TNR: variants seen among roughly 807,000 people sequenced by gnomAD.
TNR encodes the protein tenascin R, also known as tenascin-R.
TNR carries 45 observed loss-of-function variants against 150.4 expected under a neutral mutation model. The observed-to-expected ratio is 0.30, with a 90% CI of 0.24 to 0.38. The LOEUF (loss-of-function observed/expected upper bound fraction) is 0.38, where lower values mean the gene tolerates loss of function less well. TNR is among the 10% of genes least tolerant of loss of function. The pLI is 1.00. For synonymous variants in TNR, 687 were observed against 678.4 expected (o/e 1.01, Z -0.20); for missense variants, 1,544 against 1,759.1 (o/e 0.88, Z 2.19).
chr1:175,690,342 C>T (rs1666323483), intron 1 of TNR, among the ~76,000 whole-genome samples: 1 of 152,172 alleles, frequency 6.6e-6, no homozygotes, highest in African/African-American at 2.4e-5. Context: ...AACATATGAT[C>T]TGGTGACAAG....
At chr1:175,435,020 G>A (rs1041523180) in intron 2 of TNR, among the ~76,000 whole-genome samples, 12 of 152,054 alleles carry the variant, frequency 7.9e-5, no homozygotes, top group African/African-American at 2.9e-4. Flanking sequence ...TTATATTTCT[G>A]TCTTCTCTGT....
chr1:175,414,703 G>A (rs2102055857), intron 2 of TNR, among the ~76,000 whole-genome samples: 1 of 152,248 alleles, frequency 6.6e-6, no homozygotes, highest in East Asian at 1.9e-4. Context: ...AGAGACTTGG[G>A]TCACCCAGGT....
chr1:175,581,995 G>C (rs905230919), intron 1 of TNR, among the ~76,000 whole-genome samples: 5 of 152,092 alleles, frequency 3.3e-5, no homozygotes, highest in Non-Finnish European at 7.4e-5. Context: ...CAGAATCTAG[G>C]ATTCATCAAA....
chr1:175,424,386 C>G (rs917557495), intron 2 of TNR, among the ~76,000 whole-genome samples: 1 of 152,240 alleles, frequency 6.6e-6, no homozygotes, highest in African/African-American at 2.4e-5. Flanking sequence ...ATTTTCCCCT[C>G]TGCCCTGGCA....
intron 4 of TNR, among the ~76,000 whole-genome samples, chr1:175,399,460 T>A (rs1433013030): frequency 6.6e-6 from 1 of 152,238 alleles, no homozygotes; most frequent in Admixed American, 6.5e-5. Context: ...GGCCTGAGCC[T>A]GGTGGTAAAG....
intron 1 of TNR, among the ~76,000 whole-genome samples, chr1:175,679,752 C>T (rs958184858): frequency 2.6e-5 from 4 of 152,190 alleles, no homozygotes; most frequent in African/African-American, 9.7e-5. Flanking sequence ...GCTATTAAAG[C>T]AACGTTCCAG....
intron 1 of TNR, among the ~76,000 whole-genome samples, chr1:175,665,981 C>T (rs955713628): frequency 2.0e-5 from 3 of 152,152 alleles, no homozygotes; most frequent in African/African-American, 4.8e-5. Context: ...AAGATCATTC[C>T]ATCCTCTTGG....
At position 175,324,492 on chromosome 1, in the gene TNR, C is replaced by T. The variant is rs774885923; in HGVS notation, c.3821G>A (p.Arg1274His). The T allele has an allele frequency of 1.2e-5, 20 of 1,613,834 alleles. No homozygotes were observed. In the Admixed American group the frequency reaches 1.3e-4, roughly 11 times the overall value. ...GTCTCTATCCTCTGTGGAGAAAGGGCGTCCTTGATGATAGCTGAGGGAGTC... is the reference window on the plus strand; with the variant it reads ...GTCTCTATCCTCTGTGGAGAAAGGGTGTCCTTGATGATAGCTGAGGGAGTC... ...AGDSLSYHQG[R>H]PFSTEDRDND... The change falls in exon 22 of 23, where the codon CGC (arginine) becomes CAC (histidine). Residue 1274 changes from arginine to histidine, a missense_variant. By Grantham distance (29) the Arg-to-His change is conservative. This residue lies in a region of TNR where 290 missense variants were observed against 429.7 expected (regional missense o/e 0.67). Coordinates refer to ENST00000367674, the MANE Select transcript of TNR (RefSeq NM_003285.3).
chr1:175,650,308 G>A (rs568924317), intron 1 of TNR, among the ~76,000 whole-genome samples: 3 of 152,156 alleles, frequency 2.0e-5, no homozygotes, highest in East Asian at 1.9e-4. Flanking sequence ...TCTTGAACCC[G>A]GGAGGCGGAG....
chr1:175,610,202 G>A (rs1663549549), intron 1 of TNR, among the ~76,000 whole-genome samples: 1 of 152,190 alleles, frequency 6.6e-6, no homozygotes, highest in African/African-American at 2.4e-5. Flanking sequence ...TGGGAATGTT[G>A]AGTTTTACCT....
intron 1 of TNR, among the ~76,000 whole-genome samples, chr1:175,577,465 C>T (rs951812692): frequency 1.3e-5 from 2 of 152,156 alleles, no homozygotes; most frequent in Non-Finnish European, 2.9e-5. Flanking sequence ...CAATCAATTA[C>T]TCTTGCCATG....
chr1:175,608,590 A>G (rs555260288), intron 1 of TNR, among the ~76,000 whole-genome samples: 1 of 152,338 alleles, frequency 6.6e-6, no homozygotes, highest in South Asian at 2.1e-4. Flanking sequence ...GAAAGATGAT[A>G]TTGGGAAAAA....
At chr1:175,398,816 A>T (rs1193381721) in intron 4 of TNR, among the ~76,000 whole-genome samples, 1 of 152,220 alleles carries the variant, frequency 6.6e-6, no homozygotes, top group African/African-American at 2.4e-5. Context: ...CAGTCTATAA[A>T]CTATTTTCAT....
intron 1 of TNR, among the ~76,000 whole-genome samples, chr1:175,658,511 A>G (rs936876077): frequency 4.6e-5 from 7 of 152,164 alleles, no homozygotes; most frequent in African/African-American, 1.7e-4. Context: ...CAGCTGCTAA[A>G]TCATGGGCTG....
At chr1:175,705,683 A>T (rs1341449278) in intron 1 of TNR, among the ~76,000 whole-genome samples, 1 of 152,290 alleles carries the variant, frequency 6.6e-6, no homozygotes, top group Non-Finnish European at 1.5e-5. Context: ...TCCATACCAG[A>T]TGCCATGGAT....
intron 2 of TNR, among the ~76,000 whole-genome samples, chr1:175,446,811 G>A (rs1049096731): frequency 2.6e-5 from 4 of 152,142 alleles, no homozygotes; most frequent in African/African-American, 7.2e-5. Flanking sequence ...GCCACCCCGC[G>A]AGGTACTCAG....
At chr1:175,464,710 C>T (rs1656956358) in intron 2 of TNR, among the ~76,000 whole-genome samples, 1 of 152,184 alleles carries the variant, frequency 6.6e-6, no homozygotes, top group Non-Finnish European at 1.5e-5. Context: ...AGAGACCTTC[C>T]ACTGTCATAT....
chr1:175,646,113 T>C (rs575649026), intron 1 of TNR, among the ~76,000 whole-genome samples: 23 of 152,166 alleles, frequency 1.5e-4, no homozygotes, highest in Non-Finnish European at 3.1e-4. Context: ...AAAGATATTC[T>C]AGTTGCACGC....
intron 1 of TNR, among the ~76,000 whole-genome samples, chr1:175,657,696 C>T (rs1665224464): frequency 7.2e-6 from 1 of 138,174 alleles, no homozygotes; most frequent in Non-Finnish European, 1.5e-5. Context: ...CGCATGTTCT[C>T]ACTCATAGGT....
Sources: gnomAD v4.1 joint callset for allele counts (sites outside exome capture counted in the v4.1 genomes callset) on GRCh38, gnomAD v4.1.1 for gene constraint, gnomAD v4.1.1 regional missense constraint, MANE v1.5 for transcripts, NCBI Gene and HGNC (gene_info 2026-07-23, HGNC 2026-07-21) for gene names.